Variants in SLC39A13 observed in about 807,000 individuals in gnomAD.
The protein encoded by SLC39A13 is zinc transporter ZIP13.
A neutral mutation model predicts 38.7 loss-of-function variants in SLC39A13; 18 were observed. That is an observed-to-expected ratio of 0.47 (90% CI 0.32 to 0.69). SLC39A13 has a LOEUF of 0.69. Ranked by LOEUF, SLC39A13 falls within the 30% of genes least tolerant of loss-of-function variation. The pLI, the probability that SLC39A13 is intolerant of heterozygous loss-of-function variation, is 0.03. For missense variants in SLC39A13, 395 were observed against 490.7 expected (o/e 0.80, Z 1.84); for synonymous variants, 212 against 219.1 (o/e 0.97, Z 0.29).
chr11:47,408,243 G>A (rs2095979149), upstream of SLC39A13, among the ~76,000 whole-genome samples: 1 of 152,124 alleles, frequency 6.6e-6, no homozygotes, highest in Non-Finnish European at 1.5e-5. Flanking sequence ...GGCAGACTGC[G>A]GCCCTGGACG....
Position 47,412,361 on chromosome 11 carries a change from G to A in SLC39A13, c.431G>A (p.Ser144Asn). ...CSASPGGEGQ[S>N]LQQQQQLGLW... ...CCCCCTGCAGGTGGTGAGGGGCAGA[G>A]CCTGCAGCAGCAGCAACAGCTGGGG... The change falls in exon 4 of 10, where the codon AGC becomes AAC. Residue 144 changes from serine to asparagine, a missense_variant. Physicochemically the swap from Ser to Asn is conservative, Grantham distance 46 (BLOSUM62 1). Transcript: ENST00000362021. 2.5e-6 allele frequency: 4 copies of A among 1,613,962 alleles called. No individual in the cohort carries two copies. The highest frequency in any genetic ancestry group is 3.4e-6 in the Non-Finnish European group (4 of 1,179,888).
intron 6 of SLC39A13, 119 bp from the exon 7 acceptor site, chr11:47,414,306 C>A: frequency 8.6e-7 from 1 of 1,160,492 alleles, no homozygotes; most frequent in Non-Finnish European, 1.3e-6. Context: ...TTTCCAGTGG[C>A]CAACACAGTG....
At chr11:47,411,139 C>T (rs1315591326) in intron 2 of SLC39A13, among the ~76,000 whole-genome samples, 1 of 152,194 alleles carries the variant, frequency 6.6e-6, no homozygotes, top group Admixed American at 6.5e-5. Flanking sequence ...TGCCTCTGTC[C>T]TCTAGGCCTC....
At chr11:47,414,387 C>T (rs757234117) in intron 6 of SLC39A13, 38 bp from the exon 7 acceptor site, 2 of 1,592,046 alleles carry the variant, frequency 1.3e-6, no homozygotes, top group African/African-American at 1.3e-5. Flanking sequence ...GCTCAGCCCT[C>T]AACACAGACC....
In SLC39A13 at chr11:47,414,005, A is replaced by C. The variant is rs1433678223; in HGVS notation, c.735+319A>C. On this transcript the variant is annotated intron_variant, in intron 6 of 9. Transcript: ENST00000362021. ...CTGGCCCAGAGGCAGCCTACTCTGC[A>C]GCTGGCCGAGATCTTTCCCACCTCA... is the stretch of plus-strand genomic sequence containing the variant. 7.6e-6 allele frequency: 5 copies of C among 660,020 alleles called. No individual in the cohort carries two copies. In the African/African-American group the frequency reaches 9.0e-5, roughly 12 times the overall value. The allele number at this position is 660,020 out of a possible 1,614,324, so 40.9% of individuals were successfully genotyped here. A position where few individuals can be genotyped will look rare whatever the true frequency, so the allele number is the denominator to read the frequency against.
intron 1 of SLC39A13, chr11:47,409,791 G>A (rs2095988227): frequency 2.1e-5 from 8 of 373,530 alleles, no homozygotes; most frequent in South Asian, 1.7e-4. Flanking sequence ...GCCGGTGGCT[G>A]AGGAGAGCCA....
At chr11:47,412,493 A>G (rs1477759215) in intron 4 of SLC39A13, 26 bp downstream of exon 4, 2 of 1,613,900 alleles carry the variant, frequency 1.2e-6, no homozygotes, top group African/African-American at 1.3e-5. Flanking sequence ...AAGGGCCTGG[A>G]TATATCAGCC....
intron 4 of SLC39A13, 48 bp downstream of exon 4, chr11:47,412,515 G>A (rs2096004884): frequency 6.2e-7 from 1 of 1,612,720 alleles, no homozygotes; most frequent in Admixed American, 1.7e-5. Flanking sequence ...CTGTTCTGTG[G>A]TAGTGCCCGG....
chr11:47,416,407 G>A lies in SLC39A13; in HGVS notation c.*1044G>A, dbSNP rs955542772. ...TTCAGAAGTGGCCATCGAGAGGTCT[G>A]GATGGTTTTATAGCAACTTTGCTGT... On this transcript the variant is annotated 3_prime_UTR_variant, in exon 10 of 10. Transcript: ENST00000362021. 1 of 152,528 alleles carries A rather than the reference G, an allele frequency of 6.6e-6. No homozygotes were observed. The highest frequency in any genetic ancestry group is 1.5e-5 in the Non-Finnish European group (1 of 68,070). 9.4% of individuals were successfully genotyped at this position (152,528 alleles called of 1,614,324 possible).
At chr11:47,410,829 G>T (rs1239067413) in intron 2 of SLC39A13, among the ~76,000 whole-genome samples, 1 of 152,220 alleles carries the variant, frequency 6.6e-6, no homozygotes, top group African/African-American at 2.4e-5. Flanking sequence ...CATCCCAGGG[G>T]CTGGTGCTGC....
upstream of SLC39A13, among the ~76,000 whole-genome samples, chr11:47,408,219 C>T (rs760999665): frequency 4.6e-5 from 7 of 151,326 alleles, no homozygotes; most frequent in African/African-American, 1.7e-4. Flanking sequence ...CGGGCGCGCC[C>T]CCGTGCGGCC....
chr11:47,408,317 G>A (rs1035358487), upstream of SLC39A13, among the ~76,000 whole-genome samples: 3 of 152,100 alleles, frequency 2.0e-5, no homozygotes, highest in Non-Finnish European at 4.4e-5. Context: ...CAGAGCCGCC[G>A]CTTCCGTCCC....
intron 9 of SLC39A13, 51 bp downstream of exon 9, chr11:47,415,210 G>A: frequency 6.2e-7 from 1 of 1,612,882 alleles, no homozygotes; most frequent in Non-Finnish European, 8.5e-7. Flanking sequence ...GCCCTTAGGG[G>A]CTCAGGAGGG....
upstream of SLC39A13, chr11:47,407,413 G>C (rs1247291762): frequency 6.6e-6 from 1 of 152,320 alleles, no homozygotes; most frequent in Non-Finnish European, 1.5e-5. Context: ...TGAGAGCTGA[G>C]TGTGCTCTCA....
chr11:47,408,460 C>G (rs1034369762), upstream of SLC39A13: 7 of 151,440 alleles, frequency 4.6e-5, no homozygotes, highest in African/African-American at 1.7e-4. Context: ...CGGAAGCGCC[C>G]TCCCGCCGCC....
At chr11:47,408,336 C>T (rs546045668), upstream of SLC39A13, among the ~76,000 whole-genome samples, 2 of 152,222 alleles carry the variant, frequency 1.3e-5, no homozygotes, top group East Asian at 3.9e-4. Context: ...CCTGCCCAGC[C>T]TGGCTGAGCG....
At chr11:47,411,461 C>T (rs932196770) in intron 2 of SLC39A13, among the ~76,000 whole-genome samples, 11 of 152,136 alleles carry the variant, frequency 7.2e-5, no homozygotes, top group South Asian at 2.1e-4. Flanking sequence ...AAAAATTAGC[C>T]GGATGTGGTG....
intron 2 of SLC39A13, among the ~76,000 whole-genome samples, chr11:47,410,605 C>T (rs2095994022): frequency 6.6e-6 from 1 of 152,024 alleles, no homozygotes. Flanking sequence ...GCAGGGCCTG[C>T]CCCTGGGGAG....
In SLC39A13 at chr11:47,414,980, G is replaced by T. The variant is rs11039228; in HGVS notation, c.920-59G>T. ...GCACCAGCCAAAGGGTGTGGCTACCGCACTGCTGGTCCCCAGGCCCGGGAG... is the reference window on the plus strand; with the variant it reads ...GCACCAGCCAAAGGGTGTGGCTACCTCACTGCTGGTCCCCAGGCCCGGGAG... On this transcript the variant is annotated intron_variant, in intron 8 of 9. Transcript: ENST00000362021. 1,608,081 of 1,609,476 alleles carry T rather than the reference G, an allele frequency of 1. 803,353 individuals are homozygous for T. The highest frequency in any genetic ancestry group is 1 in the South Asian group (90,892 of 90,892).
Sources: gnomAD v4.1 joint callset for allele counts (sites outside exome capture counted in the v4.1 genomes callset) on GRCh38, gnomAD v4.1.1 for gene constraint, MANE v1.5 for transcripts, NCBI Gene and HGNC (gene_info 2026-07-23, HGNC 2026-07-21) for gene names.